AFG2A: variants seen among roughly 807,000 people sequenced by gnomAD.
The protein encoded by AFG2A is ATPase family gene 2 protein homolog A.
chr4:123,078,369 T>C, the AFG2A span, among the ~76,000 whole-genome samples: 1 of 152,208 alleles, frequency 6.6e-6, no homozygotes, highest in Non-Finnish European at 1.5e-5. Flanking sequence ...ACTGTACATA[T>C]GAGGTGTGTA....
chr4:123,315,729 T>C, the AFG2A span: 1 of 152,164 alleles, frequency 6.6e-6, no homozygotes, highest in Admixed American at 6.5e-5. Flanking sequence ...AGACAAGAAA[T>C]ACCTGATTAT....
chr4:123,244,267 T>C, the AFG2A span, among the ~76,000 whole-genome samples: 1 of 152,126 alleles, frequency 6.6e-6, no homozygotes. Flanking sequence ...TGCTGCACTC[T>C]GGTGGGACTG....
At chr4:123,005,208 T>C in the AFG2A span, among the ~76,000 whole-genome samples, 2 of 152,188 alleles carry the variant, frequency 1.3e-5, no homozygotes, top group Non-Finnish European at 1.5e-5. Context: ...TGGAGTGCAA[T>C]GGCATGATCA....
At chr4:122,931,498 G>GTA in the AFG2A span, among the ~76,000 whole-genome samples, 6 of 151,910 alleles carry the variant, frequency 3.9e-5, no homozygotes, top group Non-Finnish European at 8.8e-5. Context: ...TGTAGCGTAT[G>GTA]TATATATATA....
chr4:123,232,800 T>C, the AFG2A span, among the ~76,000 whole-genome samples: 1 of 152,020 alleles, frequency 6.6e-6, no homozygotes, highest in Admixed American at 6.6e-5. Context: ...TTGGGAGAGA[T>C]TGCTCTTAGA....
chr4:122,936,809 G>A, the AFG2A span, among the ~76,000 whole-genome samples: 13 of 152,172 alleles, frequency 8.5e-5, no homozygotes, highest in South Asian at 2.5e-3. Flanking sequence ...GTGAAACCCC[G>A]TCTCTACTAA....
At chr4:123,138,000 G>A in the AFG2A span, among the ~76,000 whole-genome samples, 1 of 152,056 alleles carries the variant, frequency 6.6e-6, no homozygotes, top group Non-Finnish European at 1.5e-5. Context: ...GATGACAGCT[G>A]GGTGTCTGCC....
At chr4:122,960,346 C>T in the AFG2A span, among the ~76,000 whole-genome samples, 1 of 152,186 alleles carries the variant, frequency 6.6e-6, no homozygotes, top group Admixed American at 6.5e-5. Flanking sequence ...GTAGCAGTGA[C>T]ATAAGTTTCG....
At chr4:123,191,880 CT>C in the AFG2A span, among the ~76,000 whole-genome samples, 3 of 152,084 alleles carry the variant, frequency 2.0e-5, no homozygotes, top group South Asian at 6.2e-4. Context: ...TATTTCTTAT[CT>C]TTATACTTTG....
the AFG2A span, among the ~76,000 whole-genome samples, chr4:123,296,709 G>C: frequency 0.72 from 109,865 of 152,084 alleles, 40,921 homozygotes; most frequent in Non-Finnish European, 0.81. Context: ...TGATTTCACT[G>C]TATACTGTTC....
the AFG2A span, among the ~76,000 whole-genome samples, chr4:123,294,856 A>AT: frequency 1.3e-5 from 2 of 152,244 alleles, no homozygotes; most frequent in Non-Finnish European, 2.9e-5. Context: ...TCATATGTCT[A>AT]TGGCATATAA....
At chr4:123,124,057 A>T in the AFG2A span, among the ~76,000 whole-genome samples, 1 of 151,918 alleles carries the variant, frequency 6.6e-6, no homozygotes, top group Non-Finnish European at 1.5e-5. Context: ...AAACTAGTTC[A>T]ACCATTGTGG....
chr4:123,006,178 A>G, the AFG2A span, among the ~76,000 whole-genome samples: 2 of 151,780 alleles, frequency 1.3e-5, no homozygotes, highest in East Asian at 1.9e-4. Flanking sequence ...AAATAATTCT[A>G]GGTTGACATT....
the AFG2A span, among the ~76,000 whole-genome samples, chr4:122,966,656 T>C: frequency 2.6e-5 from 4 of 152,260 alleles, no homozygotes; most frequent in African/African-American, 9.6e-5. Flanking sequence ...ATGTACTAAA[T>C]GATTTCTGTG....
At chr4:123,115,407 G>A in the AFG2A span, among the ~76,000 whole-genome samples, 3 of 152,052 alleles carry the variant, frequency 2.0e-5, no homozygotes, top group Non-Finnish European at 4.4e-5. Context: ...GGGTGGGTGC[G>A]GCGACAGAGT....
At chr4:123,309,939 G>A in the AFG2A span, among the ~76,000 whole-genome samples, 2 of 152,214 alleles carry the variant, frequency 1.3e-5, no homozygotes, top group African/African-American at 2.4e-5. Flanking sequence ...ACCATGAGAA[G>A]AGCAGGAGAG....
chr4:123,108,003 A>T, the AFG2A span, among the ~76,000 whole-genome samples: 1 of 152,216 alleles, frequency 6.6e-6, no homozygotes, highest in Non-Finnish European at 1.5e-5. Flanking sequence ...CTGGGTGCAG[A>T]GTCACGGCTG....
At chr4:123,096,531 T>C in the AFG2A span, among the ~76,000 whole-genome samples, 1 of 152,090 alleles carries the variant, frequency 6.6e-6, no homozygotes, top group African/African-American at 2.4e-5. Context: ...TGATCATGTC[T>C]TCTTTCTCGG....
chr4:123,157,396 G>A, the AFG2A span, among the ~76,000 whole-genome samples: 1 of 152,092 alleles, frequency 6.6e-6, no homozygotes, highest in Non-Finnish European at 1.5e-5. Flanking sequence ...AGCTTTAAAA[G>A]CCTTTTCTGG....
Sources: gnomAD v4.1 joint callset for allele counts (sites outside exome capture counted in the v4.1 genomes callset) on GRCh38, gnomAD v4.1.1 for gene constraint, MANE v1.5 for transcripts, NCBI Gene and HGNC (gene_info 2026-07-23, HGNC 2026-07-21) for gene names.